FAM83G: variants seen among roughly 807,000 people sequenced by gnomAD.
The protein encoded by FAM83G is scaffolding CK1 anchoring protein G, also known as protein FAM83G.
Under a neutral mutation model 61.5 loss-of-function variants are expected in FAM83G, and 38 were observed. The observed-to-expected ratio is 0.62, with a 90% confidence interval of 0.48 to 0.81. The LOEUF is 0.81. FAM83G is among the 30% of genes least tolerant of loss of function. The probability of loss-of-function intolerance (pLI) is 0.00; values close to 1 mark genes in which losing one functional copy is unlikely to be tolerated. For missense variants in FAM83G, 989 were observed against 1,133.6 expected (o/e 0.87, Z 1.83); for synonymous variants, 470 against 476.1 (o/e 0.99, Z 0.17).
At chr17:18,981,362 G>A (rs943605881) in intron 3 of FAM83G, among the ~76,000 whole-genome samples, 1 of 152,128 alleles carries the variant, frequency 6.6e-6, no homozygotes, top group African/African-American at 2.4e-5. Context: ...AGCAGGGGCG[G>A]GCTCCTGGTA....
chr17:18,980,451 C>T (rs985942857), intron 3 of FAM83G, among the ~76,000 whole-genome samples: 8 of 152,252 alleles, frequency 5.3e-5, no homozygotes, highest in Admixed American at 5.2e-4. Flanking sequence ...AGGAGCACAG[C>T]GGGCCCCTCA....
intron 3 of FAM83G, among the ~76,000 whole-genome samples, chr17:18,981,376 G>A (rs1254167854): frequency 1.3e-5 from 2 of 152,166 alleles, no homozygotes; most frequent in African/African-American, 4.8e-5. Flanking sequence ...CCTGGTAAAA[G>A]ACCCTGCACC....
intron 5 of FAM83G, among the ~76,000 whole-genome samples, chr17:18,973,238 C>A (rs1333568385): frequency 2.0e-5 from 3 of 152,272 alleles, no homozygotes; most frequent in African/African-American, 7.2e-5. Flanking sequence ...ATGGCACGGT[C>A]TTCTCTGGGT....
intron 4 of FAM83G, 126 bp from the exon 5 acceptor site, chr17:18,978,976 G>T: frequency 9.2e-7 from 1 of 1,088,754 alleles, no homozygotes; most frequent in Non-Finnish European, 1.3e-6. Context: ...AAGTGAATGG[G>T]GGCAGAGAGC....
intron 2 of FAM83G, among the ~76,000 whole-genome samples, chr17:18,989,757 C>T (rs1489538072): frequency 6.6e-6 from 1 of 152,248 alleles, no homozygotes; most frequent in African/African-American, 2.4e-5. Flanking sequence ...CCTGCAGCCT[C>T]TCACAGGCAC....
In FAM83G at chr17:18,977,556, C is replaced by T. The variant is rs750648871; in HGVS notation, c.2082+28G>A. 2.4e-5 allele frequency: 39 copies of T among 1,594,190 alleles called. No homozygotes were observed. In the East Asian group the frequency reaches 4.9e-4, roughly 20 times the overall value. On this transcript the variant is annotated intron_variant, in intron 5 of 5. Transcript: ENST00000388995. The stretch of plus-strand genomic sequence containing the variant: ...GTGGCTGGCAGGGAGGGACTCGTGA[C>T]CCCTGGTGTGCAGGGACCCTGACCC...
chr17:18,969,429 A>T lies in FAM83G; in HGVS notation c.*1930T>A, dbSNP rs1164878112. 1 of 1,613,268 alleles carries T rather than the reference A, an allele frequency of 6.2e-7. No homozygotes were observed. Among genetic ancestry groups the T allele is most frequent in the Non-Finnish European group, 8.5e-7 (1 of 1,179,636 alleles). Reference sequence around the variant, plus strand: ...GTCATCCTGACAATCAAAGGTGAGGACAGAGTCTGTGGCCATGGCGGGGCT... The same window carrying T: ...GTCATCCTGACAATCAAAGGTGAGGTCAGAGTCTGTGGCCATGGCGGGGCT... On this transcript the variant is annotated 3_prime_UTR_variant, in exon 6 of 6. Transcript: ENST00000388995.
intron 3 of FAM83G, among the ~76,000 whole-genome samples, chr17:18,981,520 T>G (rs1016834163): frequency 5.9e-5 from 9 of 152,004 alleles, no homozygotes; most frequent in African/African-American, 2.2e-4. Flanking sequence ...GTGAATGCTA[T>G]GGGAGAGGAG....
At chr17:18,980,699 CA>C (rs916142717) in intron 3 of FAM83G, among the ~76,000 whole-genome samples, 30 of 152,094 alleles carry the variant, frequency 2.0e-4, no homozygotes, top group Non-Finnish European at 3.8e-4. Flanking sequence ...GGCTGGAACC[CA>C]AGTGTCGAGG....
chr17:18,969,456 T>C lies in FAM83G; in HGVS notation c.*1903A>G. 1 of 1,595,456 alleles carries C rather than the reference T, an allele frequency of 6.3e-7. No homozygotes were observed. On this transcript the variant is annotated 3_prime_UTR_variant, in exon 6 of 6. Transcript: ENST00000388995. ...AGAGTCTGTGGCCATGGCGGGGCTGTCCCCACAGCGAGCCCTTTGGAGTCT... is the reference window on the plus strand; with the variant it reads ...AGAGTCTGTGGCCATGGCGGGGCTGCCCCCACAGCGAGCCCTTTGGAGTCT...
In FAM83G at chr17:18,995,871, GCA is replaced by G. The variant is rs554589874; in HGVS notation, c.523-7459_523-7458del. Among the ~76,000 whole-genome samples, 14 of 150,462 alleles carry G rather than the reference GCA, an allele frequency of 9.3e-5. No homozygotes were observed. In the South Asian group the frequency reaches 2.9e-3, roughly 31 times the overall value. On this transcript the variant is annotated intron_variant, in intron 2 of 5. Transcript: ENST00000388995. ...TGCAGTGAGCCAAGATTGCGCCACTGCACTCCAGCCTGGGCAACAGAGTAAGA... is the reference window on the plus strand; with the variant it reads ...TGCAGTGAGCCAAGATTGCGCCACTGCTCCAGCCTGGGCAACAGAGTAAGA...
intron 3 of FAM83G, among the ~76,000 whole-genome samples, chr17:18,985,724 G>A (rs533188272): frequency 1.5e-4 from 23 of 152,336 alleles, no homozygotes; most frequent in South Asian, 8.3e-4. Context: ...CCATGGAGGC[G>A]TCTAGCTCCT....
intron 5 of FAM83G, among the ~76,000 whole-genome samples, chr17:18,972,313 T>C (rs1204207701): frequency 6.6e-6 from 1 of 152,138 alleles, no homozygotes; most frequent in Non-Finnish European, 1.5e-5. Flanking sequence ...GGGTCCACCA[T>C]AGGACAAGGC....
In FAM83G at chr17:18,977,749, G is replaced by A. The variant is rs371125554; in HGVS notation, c.1917C>T (p.Asn639=). Reference sequence around the variant, plus strand: ...GCCGGCGCGGTGGTGGGGTTGGCCCGTTGGCCACTTGCTCTGAGTGGCGCC... The same window carrying A: ...GCCGGCGCGGTGGTGGGGTTGGCCCATTGGCCACTTGCTCTGAGTGGCGCC... ...LRRRHSEQVA[N]GPTPPPRRQL... The change falls in exon 5 of 6, where the codon AAC becomes AAT. Residue 639 remains asparagine, a synonymous_variant. Coordinates refer to ENST00000388995, the MANE Select transcript of FAM83G (RefSeq NM_001039999.3). 4.9e-5 allele frequency: 78 copies of A among 1,605,354 alleles called. No homozygotes were observed. The highest frequency in any genetic ancestry group is 1.8e-4 in the East Asian group (8 of 44,816).
At chr17:18,987,911 T>C (rs188075464) in intron 3 of FAM83G, among the ~76,000 whole-genome samples, 1 of 152,340 alleles carries the variant, frequency 6.6e-6, no homozygotes, top group Admixed American at 6.5e-5. Flanking sequence ...GTGAGCACAC[T>C]ATCACCAGAG....
chr17:18,986,510 G>A (rs898660261), intron 3 of FAM83G, among the ~76,000 whole-genome samples: 1 of 152,170 alleles, frequency 6.6e-6, no homozygotes, highest in African/African-American at 2.4e-5. Flanking sequence ...CATCTGTCTT[G>A]TGGGAGCCTC....
Position 19,004,148 on chromosome 17 carries a change from T to C in FAM83G, c.-107A>G. 9.2e-7 allele frequency: 1 copy of C among 1,084,404 alleles called. No homozygotes were observed. The highest frequency in any genetic ancestry group is 2.7e-5 in the Admixed American group (1 of 36,962). 67.2% of individuals were successfully genotyped at this position (1,084,404 alleles called of 1,614,324 possible). A position where few individuals can be genotyped will look rare whatever the true frequency, so the allele number is the denominator to read the frequency against. ...CGCTCGGGGGCCTCTCCGCGGCCTC[T>C]GCTTCTCTGCCCATGAGCAATCTGC... On this transcript the variant is annotated 5_prime_UTR_variant, in exon 2 of 6. Transcript: ENST00000388995. The surrounding 1 kb of genome is among the most constrained non-coding windows in gnomAD (Gnocchi z 5.4).
chr17:18,990,253 G>C (rs139096938), intron 2 of FAM83G, among the ~76,000 whole-genome samples: 2 of 152,176 alleles, frequency 1.3e-5, no homozygotes, highest in East Asian at 1.9e-4. Context: ...TGCTTGGAGC[G>C]GGGGTAGATG....
intron 3 of FAM83G, among the ~76,000 whole-genome samples, chr17:18,987,384 G>C (rs944783166): frequency 6.6e-6 from 1 of 152,242 alleles, no homozygotes; most frequent in South Asian, 2.1e-4. Flanking sequence ...GACAGGGCCT[G>C]GCGCACGGCC....
Sources: allele counts gnomAD v4.1 joint callset (sites outside exome capture counted in the v4.1 genomes callset), GRCh38; gene constraint gnomAD v4.1.1; non-coding constraint Gnocchi (gnomAD v3.1); transcripts MANE v1.5; gene names NCBI Gene and HGNC (gene_info 2026-07-23, HGNC 2026-07-21).